The following SIPA1L1 variants were observed in gnomAD, a reference collection of about 807,000 sequenced individuals.
SIPA1L1 encodes signal-induced proliferation-associated 1-like protein 1.
In SIPA1L1, 26 loss-of-function variants were observed where a neutral mutation model predicts 162.7. That is an observed-to-expected ratio of 0.16 (90% CI 0.12 to 0.22). The LOEUF (loss-of-function observed/expected upper bound fraction) is 0.22, where lower values mean the gene tolerates loss of function less well. SIPA1L1 is among the 10% of genes least tolerant of loss of function. The pLI, the probability that SIPA1L1 is intolerant of heterozygous loss-of-function variation, is 1.00. For synonymous variants in SIPA1L1, 829 were observed against 837.4 expected, an observed-to-expected ratio of 0.99 and a Z score of 0.17; for missense variants, 1,874 against 2,241.0, an observed-to-expected ratio of 0.84 and a Z score of 3.31.
At chr14:71,553,767 T>C (rs1388532255) in intron 4 of SIPA1L1, among the ~76,000 whole-genome samples, 1 of 152,248 alleles carries the variant, frequency 6.6e-6, no homozygotes, top group Non-Finnish European at 1.5e-5. Flanking sequence ...ACAATTCTTT[T>C]TTTTTCATAT....
At chr14:71,667,481 T>G (rs2044127882) in intron 10 of SIPA1L1, among the ~76,000 whole-genome samples, 1 of 152,118 alleles carries the variant, frequency 6.6e-6, no homozygotes, top group Non-Finnish European at 1.5e-5. Context: ...TAGCACATAG[T>G]AGGTACTCAG....
At chr14:71,554,558 A>G (rs545255305) in intron 4 of SIPA1L1, among the ~76,000 whole-genome samples, 1 of 152,312 alleles carries the variant, frequency 6.6e-6, no homozygotes, top group Non-Finnish European at 1.5e-5. Context: ...CACTTCCCAC[A>G]GGTGACCTTC....
Position 71,672,387 on chromosome 14 carries a change from C to T in SIPA1L1, c.2869C>T (p.Arg957Ter), listed in dbSNP as rs2044621312. 1 of 1,614,186 alleles carries T rather than the reference C, an allele frequency of 6.2e-7. No homozygotes were observed. The highest frequency in any genetic ancestry group is 8.5e-7 in the Non-Finnish European group (1 of 1,180,020). Residue 957 changes from arginine to a stop codon, truncating the protein, a stop_gained, in exon 12 of 24, where the codon CGA becomes TGA. Transcript: ENST00000381232. LOFTEE classifies it high-confidence loss of function. ...KGCESVEMTL[R>*]RNGLGQLGFH... Reference sequence around the variant, plus strand: ...CTGTGAATCGGTGGAGATGACTCTGCGAAGAAATGGGCTAGGACAGCTTGG... The same window carrying T: ...CTGTGAATCGGTGGAGATGACTCTGTGAAGAAATGGGCTAGGACAGCTTGG...
intron 7 of SIPA1L1, among the ~76,000 whole-genome samples, chr14:71,633,150 A>ATGTTATGTTATGTTC (rs2040764792): frequency 6.9e-6 from 1 of 145,124 alleles, no homozygotes; most frequent in Non-Finnish European, 1.5e-5. Flanking sequence ...ATGTTATGTT[A>ATGTTATGTTATGTTC]TGTTATGTTC....
At chr14:71,641,688 A>C (rs898860246) in intron 7 of SIPA1L1, among the ~76,000 whole-genome samples, 1 of 152,220 alleles carries the variant, frequency 6.6e-6, no homozygotes, top group Non-Finnish European at 1.5e-5. Flanking sequence ...GAGCCACTGC[A>C]CTCCAGCCTG....
intron 3 of SIPA1L1, among the ~76,000 whole-genome samples, chr14:71,528,329 T>C (rs2053092060): frequency 6.6e-6 from 1 of 152,182 alleles, no homozygotes; most frequent in Non-Finnish European, 1.5e-5. Flanking sequence ...TTGTAGTGAG[T>C]AGACTACATG....
chr14:71,368,142 C>CTTTTTTTTTTTTTTTTT (rs755238643), intron 2 of SIPA1L1, among the ~76,000 whole-genome samples: 5 of 115,182 alleles, frequency 4.3e-5, no homozygotes, highest in Admixed American at 8.7e-5. Context: ...TTGTGGTATT[C>CTTTTTTTTTTTTTTTTT]TTTTTTTTTT....
chr14:71,645,116 C>T (rs1161418525), intron 7 of SIPA1L1, among the ~76,000 whole-genome samples: 2 of 152,226 alleles, frequency 1.3e-5, no homozygotes, highest in Non-Finnish European at 2.9e-5. Flanking sequence ...TGGCTCATGG[C>T]CCTTCCTCCA....
intron 2 of SIPA1L1, among the ~76,000 whole-genome samples, chr14:71,469,955 C>T (rs1055294569): frequency 2.0e-5 from 3 of 152,160 alleles, no homozygotes; most frequent in African/African-American, 7.2e-5. Context: ...CTTCTGCAGC[C>T]TTGCCAGTCC....
intron 4 of SIPA1L1, among the ~76,000 whole-genome samples, chr14:71,577,730 C>CTTTTTT (rs5809525): frequency 1.0e-4 from 10 of 97,142 alleles, no homozygotes; most frequent in South Asian, 3.5e-4. Context: ...TTGGGCATGC[C>CTTTTTT]TTTTTTTTTT....
chr14:71,598,223 T>C lies in SIPA1L1; in HGVS notation c.1498+8853T>C, dbSNP rs543540361. 135 of 985,390 alleles carry C rather than the reference T, an allele frequency of 1.4e-4. No homozygotes were observed. In the African/African-American group the frequency reaches 2.2e-3, roughly 16 times the overall value. 61.0% of individuals were successfully genotyped at this position (985,390 alleles called of 1,614,324 possible). On this transcript the variant is annotated intron_variant, in intron 5 of 23. Coordinates refer to ENST00000381232, the MANE Select transcript of SIPA1L1 (RefSeq NM_001386936.1). ...AGGCACAAAACGCCATCACAGAGAC[T>C]GATTTTTACTATTGTAAACTTTACT... is the stretch of plus-strand genomic sequence containing the variant.
At chr14:71,450,715 T>TTAGA (rs2045751635) in intron 2 of SIPA1L1, among the ~76,000 whole-genome samples, 1 of 151,390 alleles carries the variant, frequency 6.6e-6, no homozygotes, top group African/African-American at 2.4e-5. Context: ...TTAAAACCTG[T>TTAGA]TAGAATGGCT....
chr14:71,596,017 A>G (rs574713595), intron 5 of SIPA1L1, among the ~76,000 whole-genome samples: 15 of 152,314 alleles, frequency 9.8e-5, no homozygotes, highest in African/African-American at 3.4e-4. Flanking sequence ...CAATCATGTA[A>G]CAAACATGTG....
At chr14:71,596,729 G>GT (rs1356969593) in intron 5 of SIPA1L1, among the ~76,000 whole-genome samples, 1 of 152,098 alleles carries the variant, frequency 6.6e-6, no homozygotes, top group East Asian at 1.9e-4. Flanking sequence ...TTAAACAGAC[G>GT]TTTTTTAAAA....
intron 3 of SIPA1L1, among the ~76,000 whole-genome samples, chr14:71,515,922 G>T (rs573076702): frequency 9.2e-5 from 14 of 152,302 alleles, no homozygotes; most frequent in African/African-American, 3.1e-4. Context: ...GATTACAGGC[G>T]TGAGCCACCA....
At chr14:71,602,002 C>A (rs2036824178) in intron 5 of SIPA1L1, among the ~76,000 whole-genome samples, 1 of 146,328 alleles carries the variant, frequency 6.8e-6, no homozygotes, top group Non-Finnish European at 1.5e-5. Flanking sequence ...TTTGTCTTTT[C>A]AAAAAAAACA....
chr14:71,576,145 C>T (rs1000142716), intron 4 of SIPA1L1, among the ~76,000 whole-genome samples: 4 of 152,186 alleles, frequency 2.6e-5, no homozygotes, highest in South Asian at 4.1e-4. Context: ...CTGAAAGTCT[C>T]ACTGGGGAGA....
At chr14:71,394,551 T>G (rs1595200224) in intron 2 of SIPA1L1, among the ~76,000 whole-genome samples, 1 of 152,200 alleles carries the variant, frequency 6.6e-6, no homozygotes, top group Non-Finnish European at 1.5e-5. Context: ...TCACCTATTC[T>G]CCAGCCTCTC....
chr14:71,557,777 T>G (rs1391251865), intron 4 of SIPA1L1, among the ~76,000 whole-genome samples: 2 of 152,252 alleles, frequency 1.3e-5, no homozygotes, highest in Non-Finnish European at 2.9e-5. Flanking sequence ...CTGTGATAGT[T>G]ATGGATTGTA....
Sources: gnomAD v4.1 joint callset for allele counts (sites outside exome capture counted in the v4.1 genomes callset) on GRCh38, gnomAD v4.1.1 for gene constraint, MANE v1.5 for transcripts, NCBI Gene and HGNC (gene_info 2026-07-23, HGNC 2026-07-21) for gene names.